Variants in PKIB observed in about 807,000 individuals in gnomAD.
PKIB encodes the protein PKI-beta.
In PKIB, 2 loss-of-function variants were observed where a neutral mutation model predicts 4.5. The observed-to-expected ratio is 0.44, with a 90% CI of 0.18 to 1.39. The LOEUF is 1.39. Ranked by LOEUF, PKIB falls within the 40% of genes most tolerant of loss-of-function variation. The pLI is 0.27. For missense variants in PKIB, 94 were observed against 92.6 expected (o/e 1.02, Z -0.06); for synonymous variants, 38 against 36.0 (o/e 1.06, Z -0.20).
chr6:122,569,496 C>A (rs1282390065), intron 2 of PKIB, among the ~76,000 whole-genome samples: 1 of 152,214 alleles, frequency 6.6e-6, no homozygotes, highest in Non-Finnish European at 1.5e-5. Context: ...GTCCACGTGA[C>A]AAGTTCACAA....
chr6:122,690,266 G>A lies in PKIB; in HGVS notation c.-9+15122G>A, dbSNP rs552958371. Among the ~76,000 whole-genome samples, 13 of 151,460 alleles carry A rather than the reference G, an allele frequency of 8.6e-5. No homozygotes were observed. The South Asian group carries it at 2.3e-3, about 27-fold the overall frequency. ...TCCATTTACATTCAATGTTACTATT[G>A]ATAGGTAAGGACTACTCTTGCCATT... On this transcript the variant is annotated intron_variant, in intron 3 of 4. Transcript: ENST00000368452.
chr6:122,677,707 C>A (rs1777731594), intron 3 of PKIB, among the ~76,000 whole-genome samples: 1 of 152,216 alleles, frequency 6.6e-6, no homozygotes, highest in Admixed American at 6.5e-5. Flanking sequence ...CAGAGATTTG[C>A]CCCAAGGCCC....
At chr6:122,568,190 A>T (rs1338614325) in intron 2 of PKIB, among the ~76,000 whole-genome samples, 2 of 152,192 alleles carry the variant, frequency 1.3e-5, no homozygotes. Context: ...AAGCAAATTT[A>T]ATTTAAAGTA....
intron 2 of PKIB, chr6:122,585,634 T>G (rs2114715956): frequency 6.6e-6 from 1 of 152,242 alleles, no homozygotes; most frequent in Admixed American, 6.5e-5. Flanking sequence ...ATTAAGTCTA[T>G]AGAAGTGAAA....
chr6:122,516,731 G>T lies in PKIB; in HGVS notation c.-248+38792G>T, dbSNP rs112980577. ...TAGGACAGATGAGTATTAGAAAGCAGAAGAGGTCCCACCACATAAGGCAAT... is the reference window on the plus strand; with the variant it reads ...TAGGACAGATGAGTATTAGAAAGCATAAGAGGTCCCACCACATAAGGCAAT... On this transcript the variant is annotated intron_variant, in intron 2 of 6. Transcript: ENST00000392491. 5.0e-3 allele frequency among the ~76,000 whole-genome samples: 763 copies of T among 152,264 alleles called. 7 individuals carry two copies. The highest frequency in any genetic ancestry group is 0.017 in the African/African-American group (711 of 41,558).
At chr6:122,621,249 A>G (rs929007261) in intron 1 of PKIB, among the ~76,000 whole-genome samples, 3 of 152,178 alleles carry the variant, frequency 2.0e-5, no homozygotes, top group Non-Finnish European at 4.4e-5. Context: ...AGAAACAGAG[A>G]GATGCCCAAT....
chr6:122,676,132 C>A (rs1175719797), intron 3 of PKIB, among the ~76,000 whole-genome samples: 1 of 151,602 alleles, frequency 6.6e-6, no homozygotes, highest in Non-Finnish European at 1.5e-5. Context: ...AGCTTGTTTT[C>A]CTGCAACTAG....
At position 122,575,009 on chromosome 6, in the gene PKIB, A is replaced by G. The variant is rs375624317; in HGVS notation, c.-247-10912A>G. 4.7e-4 allele frequency among the ~76,000 whole-genome samples: 72 copies of G among 152,268 alleles called. 1 individual carries two copies. Among genetic ancestry groups the G allele is most frequent in the East Asian group, 5.8e-4 (3 of 5,188 alleles). ...TTGCAAACTATGCATCTGACAAAGA[A>G]CTAGTATCCAGAATCTACAAGGAAC... is the stretch of plus-strand genomic sequence containing the variant. On this transcript the variant is annotated intron_variant, in intron 2 of 6. Coordinates refer to the PKIB transcript ENST00000392491.
At chr6:122,687,149 C>T (rs1260256009) in intron 3 of PKIB, among the ~76,000 whole-genome samples, 1 of 152,058 alleles carries the variant, frequency 6.6e-6, no homozygotes, top group Non-Finnish European at 1.5e-5. Flanking sequence ...TTGTGTATGG[C>T]AAGAGACAGG....
chr6:122,640,260 A>G (rs1776073250), intron 2 of PKIB, among the ~76,000 whole-genome samples: 1 of 152,192 alleles, frequency 6.6e-6, no homozygotes, highest in South Asian at 2.1e-4. Flanking sequence ...TAACGTAAAA[A>G]GATCCTCTCT....
intron 2 of PKIB, among the ~76,000 whole-genome samples, chr6:122,516,160 C>G (rs145090072): frequency 6.6e-6 from 1 of 152,172 alleles, no homozygotes. Flanking sequence ...AGAGCACACA[C>G]GTAACTACTT....
intron 2 of PKIB, among the ~76,000 whole-genome samples, chr6:122,573,833 T>C (rs972485558): frequency 2.0e-5 from 3 of 152,156 alleles, no homozygotes; most frequent in Non-Finnish European, 4.4e-5. Flanking sequence ...TGGGAAAAAG[T>C]TGAAAGGATT....
At chr6:122,544,921 A>G (rs1310595024) in intron 2 of PKIB, among the ~76,000 whole-genome samples, 1 of 152,118 alleles carries the variant, frequency 6.6e-6, no homozygotes, top group Admixed American at 6.5e-5. Flanking sequence ...GGGAAATGCA[A>G]ATCAAAACCA....
intron 2 of PKIB, among the ~76,000 whole-genome samples, chr6:122,514,657 T>A (rs1047244760): frequency 2.6e-5 from 4 of 152,186 alleles, no homozygotes; most frequent in Non-Finnish European, 4.4e-5. Context: ...GATACCAAGA[T>A]AGGAAATATT....
intron 3 of PKIB, among the ~76,000 whole-genome samples, chr6:122,703,867 T>G (rs956431244): frequency 3.3e-5 from 5 of 149,318 alleles, no homozygotes; most frequent in Non-Finnish European, 7.4e-5. Context: ...AAGCTCTACG[T>G]AAGAACGGCA....
At chr6:122,663,614 C>T (rs916924216) in intron 2 of PKIB, among the ~76,000 whole-genome samples, 1 of 152,176 alleles carries the variant, frequency 6.6e-6, no homozygotes, top group Non-Finnish European at 1.5e-5. Flanking sequence ...AGGTATCCCT[C>T]AGCTGGTAGA....
chr6:122,608,526 GA>G (rs1410216221), upstream of PKIB, among the ~76,000 whole-genome samples: 1 of 152,188 alleles, frequency 6.6e-6, no homozygotes, highest in African/African-American at 2.4e-5. Flanking sequence ...GTAGAAATGA[GA>G]GGCCATCAAA....
intron 2 of PKIB, among the ~76,000 whole-genome samples, chr6:122,509,164 G>A (rs1750516859): frequency 6.6e-6 from 1 of 152,100 alleles, no homozygotes; most frequent in African/African-American, 2.4e-5. Flanking sequence ...CAGTACTAGA[G>A]CCATTAGTAA....
chr6:122,710,893 C>A (rs1433688682), intron 3 of PKIB, among the ~76,000 whole-genome samples: 2 of 151,838 alleles, frequency 1.3e-5, no homozygotes, highest in African/African-American at 4.8e-5. Flanking sequence ...TAATGTGAAA[C>A]AAATGAAAGT....
Sources: gnomAD v4.1 joint callset for allele counts (sites outside exome capture counted in the v4.1 genomes callset) on GRCh38, gnomAD v4.1.1 for gene constraint, MANE v1.5 for transcripts, NCBI Gene and HGNC (gene_info 2026-07-23, HGNC 2026-07-21) for gene names.